Variants in OPCML observed in about 807,000 individuals in gnomAD.
OPCML encodes the protein opioid binding protein/cell adhesion molecule like.
OPCML carries 13 observed loss-of-function variants against 37.8 expected under a neutral mutation model. The ratio of observed to expected loss-of-function variants is 0.34; its 90% CI spans 0.22 to 0.55. OPCML has a LOEUF of 0.55. Ranked by LOEUF, OPCML falls within the 20% of genes least tolerant of loss-of-function variation. OPCML has a pLI of 0.91. For synonymous variants in OPCML, 176 were observed against 168.8 expected, an observed-to-expected ratio of 1.04 and a Z score of -0.33; for missense variants, 341 against 435.6, an observed-to-expected ratio of 0.78 and a Z score of 1.93.
intron 1 of OPCML, among the ~76,000 whole-genome samples, chr11:133,245,015 G>A (rs894082115): frequency 6.6e-6 from 1 of 152,216 alleles, no homozygotes; most frequent in Non-Finnish European, 1.5e-5. Flanking sequence ...GGCAGTCCAT[G>A]AGGATGTGTG....
intron 1 of OPCML, among the ~76,000 whole-genome samples, chr11:133,220,096 C>G (rs147335561): frequency 6.6e-6 from 1 of 152,252 alleles, no homozygotes; most frequent in East Asian, 1.9e-4. Context: ...GTTGAGGAAG[C>G]TTCAACACCC....
At position 132,825,286 on chromosome 11, in the gene OPCML, G is replaced by A. The variant is rs564442715; in HGVS notation, c.146+117640C>T. On this transcript the variant is annotated intron_variant, in intron 2 of 7. Transcript: ENST00000524381. ...AGTCTAACTTCCTAACTATATATGA[G>A]CCTCTAGATACCCAGCAATTGAAGG... 1.2e-4 allele frequency among the ~76,000 whole-genome samples: 19 copies of A among 152,010 alleles called. No homozygotes were observed. The South Asian group carries it at 3.9e-3, about 32-fold the overall frequency.
intron 1 of OPCML, among the ~76,000 whole-genome samples, chr11:133,525,815 T>C (rs1181528372): frequency 6.6e-6 from 1 of 152,182 alleles, no homozygotes; most frequent in Admixed American, 6.5e-5. Context: ...AATCTGATTG[T>C]CACTTATCGT....
chr11:133,512,128 C>T (rs900092317), intron 1 of OPCML, among the ~76,000 whole-genome samples: 1 of 152,178 alleles, frequency 6.6e-6, no homozygotes, highest in Non-Finnish European at 1.5e-5. Context: ...CATAAGACTA[C>T]TCCACTTCAG....
chr11:133,463,922 CT>C (rs1474162502), intron 1 of OPCML, among the ~76,000 whole-genome samples: 1 of 152,166 alleles, frequency 6.6e-6, no homozygotes, highest in African/African-American at 2.4e-5. Context: ...CGGGCCACAT[CT>C]TCATCGGCAT....
At chr11:132,599,638 G>GC (rs939098709) in intron 3 of OPCML, among the ~76,000 whole-genome samples, 16 of 152,090 alleles carry the variant, frequency 1.1e-4, no homozygotes, top group African/African-American at 3.9e-4. Context: ...TGCAGAAGAA[G>GC]CCCCGAGTGC....
At chr11:132,727,795 A>G (rs1244776898) in intron 2 of OPCML, among the ~76,000 whole-genome samples, 1 of 152,192 alleles carries the variant, frequency 6.6e-6, no homozygotes, top group Non-Finnish European at 1.5e-5. Context: ...CCTGAGGAGG[A>G]TTAGTTCCCT....
intron 1 of OPCML, among the ~76,000 whole-genome samples, chr11:133,112,413 G>A (rs1303711681): frequency 6.6e-6 from 1 of 151,732 alleles, no homozygotes; most frequent in Non-Finnish European, 1.5e-5. Flanking sequence ...TTGTGATGCT[G>A]AGTATATGAC....
intron 2 of OPCML, among the ~76,000 whole-genome samples, chr11:132,793,753 C>T (rs1256319759): frequency 6.6e-6 from 1 of 152,180 alleles, no homozygotes; most frequent in Non-Finnish European, 1.5e-5. Context: ...AGTCTGTCCC[C>T]CATCTCTCCC....
intron 2 of OPCML, among the ~76,000 whole-genome samples, chr11:132,939,210 G>A (rs1156319446): frequency 6.6e-6 from 1 of 152,192 alleles, no homozygotes; most frequent in African/African-American, 2.4e-5. Flanking sequence ...GGAGCTGAAG[G>A]TAGGTGCAAA....
At chr11:132,555,347 A>C (rs2096392874) in intron 3 of OPCML, among the ~76,000 whole-genome samples, 1 of 152,158 alleles carries the variant, frequency 6.6e-6, no homozygotes, top group African/African-American at 2.4e-5. Context: ...AGAGAGAATG[A>C]GAACATGGAA....
intron 1 of OPCML, among the ~76,000 whole-genome samples, chr11:133,102,701 G>A (rs909755796): frequency 3.3e-5 from 5 of 152,120 alleles, no homozygotes; most frequent in Admixed American, 6.5e-5. Context: ...AGTGAGCTGA[G>A]ATCGCCCCAC....
At chr11:133,103,392 C>G (rs1949113838) in intron 1 of OPCML, among the ~76,000 whole-genome samples, 1 of 152,028 alleles carries the variant, frequency 6.6e-6, no homozygotes, top group African/African-American at 2.4e-5. Flanking sequence ...AAAAAGTGCC[C>G]CCTCTATACC....
intron 1 of OPCML, among the ~76,000 whole-genome samples, chr11:133,133,584 T>C (rs1949637231): frequency 6.6e-6 from 1 of 152,138 alleles, no homozygotes; most frequent in Non-Finnish European, 1.5e-5. Context: ...GTGTCCCTTA[T>C]GCCATCCCCC....
chr11:133,225,940 A>T (rs1940018480), intron 1 of OPCML, among the ~76,000 whole-genome samples: 1 of 152,266 alleles, frequency 6.6e-6, no homozygotes, highest in Admixed American at 6.5e-5. Flanking sequence ...GCATTACATC[A>T]TTCAGTCTTC....
chr11:132,556,569 T>C (rs2096396143), intron 3 of OPCML, among the ~76,000 whole-genome samples: 2 of 152,200 alleles, frequency 1.3e-5, no homozygotes, highest in Non-Finnish European at 2.9e-5. Flanking sequence ...AAGTAGCTTC[T>C]GGCAGCTTGC....
At chr11:133,529,506 G>A (rs1481293474) in intron 1 of OPCML, among the ~76,000 whole-genome samples, 9 of 152,330 alleles carry the variant, frequency 5.9e-5, no homozygotes, top group South Asian at 2.1e-4. Context: ...CAGTCTCCAC[G>A]TGGTGACTGT....
chr11:132,576,653 G>A (rs2096451569), intron 3 of OPCML, among the ~76,000 whole-genome samples: 1 of 151,650 alleles, frequency 6.6e-6, no homozygotes, highest in African/African-American at 2.4e-5. Context: ...CCTTTATTTG[G>A]GACATCTTTG....
intron 2 of OPCML, among the ~76,000 whole-genome samples, chr11:132,893,090 T>C (rs762491635): frequency 6.6e-6 from 1 of 152,154 alleles, no homozygotes; most frequent in Non-Finnish European, 1.5e-5. Flanking sequence ...TTTGAAATCG[T>C]CAATCATCTT....
Sources: allele counts gnomAD v4.1 joint callset (sites outside exome capture counted in the v4.1 genomes callset), GRCh38; gene constraint gnomAD v4.1.1; transcripts MANE v1.5; gene names NCBI Gene and HGNC (gene_info 2026-07-23, HGNC 2026-07-21).